Variants in ADAMTSL1 observed in about 807,000 individuals in gnomAD.
ADAMTSL1 encodes the protein ADAMTS-like protein 1.
Under a neutral mutation model 201.8 loss-of-function variants are expected in ADAMTSL1, and 126 were observed. The ratio of observed to expected loss-of-function variants is 0.62; its 90% CI spans 0.54 to 0.72. The LOEUF (loss-of-function observed/expected upper bound fraction) is 0.72. Ranked by LOEUF, ADAMTSL1 falls within the 30% of genes least tolerant of loss-of-function variation. The pLI is 0.00. For missense variants in ADAMTSL1, 2,679 were observed against 2,277.8 expected (o/e 1.18, Z -3.59); for synonymous variants, 1,121 against 903.4 (o/e 1.24, Z -4.32).
chr9:18,226,026 A>G (rs183628624), intron 2 of ADAMTSL1, among the ~76,000 whole-genome samples: 1 of 152,086 alleles, frequency 6.6e-6, no homozygotes, highest in Non-Finnish European at 1.5e-5. Flanking sequence ...TTTAATAGGA[A>G]TTTAGGTTAG....
chr9:18,651,297 G>C (rs1828236396), intron 7 of ADAMTSL1: 1 of 152,186 alleles, frequency 6.6e-6, no homozygotes, highest in East Asian at 1.9e-4. Flanking sequence ...CCCAAGGAAA[G>C]AGAATGACTT....
chr9:18,711,287 G>A (rs577535491), intron 14 of ADAMTSL1, among the ~76,000 whole-genome samples: 41 of 152,328 alleles, frequency 2.7e-4, no homozygotes, highest in South Asian at 4.1e-4. Flanking sequence ...AGCTCCCAGC[G>A]TGAGCTACGC....
chr9:18,823,850 G>C (rs1011197462), intron 21 of ADAMTSL1, among the ~76,000 whole-genome samples: 1 of 152,134 alleles, frequency 6.6e-6, no homozygotes, highest in Non-Finnish European at 1.5e-5. Context: ...TTAGCTGGGC[G>C]TGGTGGTGCA....
intron 1 of ADAMTSL1, among the ~76,000 whole-genome samples, chr9:17,956,260 T>A (rs938160207): frequency 2.6e-5 from 4 of 152,162 alleles, no homozygotes; most frequent in Non-Finnish European, 2.9e-5. Flanking sequence ...GAGATGATCT[T>A]AGTCTCGTGA....
intron 2 of ADAMTSL1, among the ~76,000 whole-genome samples, chr9:18,265,360 C>T (rs918613553): frequency 3.3e-5 from 5 of 152,162 alleles, no homozygotes; most frequent in African/African-American, 1.2e-4. Flanking sequence ...CACCCATAGC[C>T]AGTGCTTCCT....
intron 2 of ADAMTSL1, among the ~76,000 whole-genome samples, chr9:18,252,711 C>T (rs1831511819): frequency 6.6e-6 from 1 of 152,032 alleles, no homozygotes; most frequent in African/African-American, 2.4e-5. Flanking sequence ...TTTTAAAGCC[C>T]ATCATACTAG....
At chr9:18,529,438 C>T (rs910358890) in intron 2 of ADAMTSL1, among the ~76,000 whole-genome samples, 4 of 152,114 alleles carry the variant, frequency 2.6e-5, no homozygotes, top group Admixed American at 6.5e-5. Flanking sequence ...GAGTTAGTCA[C>T]GCCTAGATTC....
At chr9:18,368,750 A>C (rs1427915030) in intron 2 of ADAMTSL1, among the ~76,000 whole-genome samples, 5 of 152,190 alleles carry the variant, frequency 3.3e-5, no homozygotes, top group Non-Finnish European at 7.3e-5. Flanking sequence ...AATATGTTTG[A>C]TCAGTTTATA....
chr9:17,925,995 G>C (rs1826511475), intron 1 of ADAMTSL1, among the ~76,000 whole-genome samples: 2 of 152,120 alleles, frequency 1.3e-5, no homozygotes, highest in African/African-American at 2.4e-5. Flanking sequence ...GGAAGGAAAT[G>C]TTTCATGTGC....
chr9:18,349,295 A>G (rs1426488824), intron 2 of ADAMTSL1, among the ~76,000 whole-genome samples: 1 of 152,218 alleles, frequency 6.6e-6, no homozygotes, highest in Non-Finnish European at 1.5e-5. Flanking sequence ...GTAAATTCAG[A>G]TAGCCACATG....
intron 3 of ADAMTSL1, among the ~76,000 whole-genome samples, chr9:18,551,646 C>G (rs1398220073): frequency 6.6e-6 from 1 of 151,322 alleles, no homozygotes; most frequent in Non-Finnish European, 1.5e-5. Flanking sequence ...GTCTGACCTC[C>G]TAACTGTGTA....
At chr9:18,307,731 C>A (rs1035183929) in intron 2 of ADAMTSL1, among the ~76,000 whole-genome samples, 1 of 152,046 alleles carries the variant, frequency 6.6e-6, no homozygotes, top group Non-Finnish European at 1.5e-5. Context: ...CTTAGACTCC[C>A]ACATAATAAT....
intron 4 of ADAMTSL1, among the ~76,000 whole-genome samples, chr9:18,590,761 G>T (rs943689565): frequency 6.6e-6 from 1 of 151,822 alleles, no homozygotes; most frequent in Non-Finnish European, 1.5e-5. Context: ...CCTTCTTTAT[G>T]TATTGACTCA....
intron 7 of ADAMTSL1, among the ~76,000 whole-genome samples, chr9:18,641,956 C>T (rs573816091): frequency 6.6e-6 from 1 of 151,996 alleles, no homozygotes; most frequent in South Asian, 2.1e-4. Context: ...TGGCCATGTA[C>T]CTAAGTCTCA....
At chr9:18,626,808 T>C (rs1365996383) in intron 5 of ADAMTSL1, among the ~76,000 whole-genome samples, 1 of 117,798 alleles carries the variant, frequency 8.5e-6, no homozygotes, top group Admixed American at 1.0e-4. Context: ...GTATTTATTT[T>C]CTTTCTTTCT....
chr9:18,700,332 A>T (rs1831848764), intron 13 of ADAMTSL1, among the ~76,000 whole-genome samples: 1 of 152,118 alleles, frequency 6.6e-6, no homozygotes, highest in South Asian at 2.1e-4. Flanking sequence ...CATCATTGAG[A>T]GGCATTAAAT....
rs1823126817 is a variant in ADAMTSL1 at position 18,074,566 on chromosome 9, T to TA, written c.88-89296_88-89295insA. Among the ~76,000 whole-genome samples, 5 of 150,448 alleles carry TA rather than the reference T, an allele frequency of 3.3e-5. No individual in the cohort carries two copies. The South Asian group carries it at 1.0e-3, about 32-fold the overall frequency. On this transcript the variant is annotated intron_variant, in intron 1 of 29. Coordinates refer to the ADAMTSL1 transcript ENST00000680146. ...CTTCTTTTCTCTTCTCTTTTCTTTT[T>TA]TTTTTCTTCTTTCTTTTTTTGTTGT...
intron 4 of ADAMTSL1, among the ~76,000 whole-genome samples, chr9:18,598,008 A>G (rs377636803): frequency 6.6e-6 from 1 of 152,196 alleles, no homozygotes; most frequent in Admixed American, 6.5e-5. Flanking sequence ...GAAGGAACAA[A>G]GTGTTTTTGA....
chr9:18,120,617 C>G (rs529051608), intron 1 of ADAMTSL1, among the ~76,000 whole-genome samples: 6 of 151,974 alleles, frequency 3.9e-5, no homozygotes, highest in African/African-American at 1.4e-4. Context: ...AACATTGTGT[C>G]CATATATGCA....
Sources: allele counts gnomAD v4.1 joint callset (sites outside exome capture counted in the v4.1 genomes callset), GRCh38; gene constraint gnomAD v4.1.1; transcripts MANE v1.5; gene names NCBI Gene and HGNC (gene_info 2026-07-23, HGNC 2026-07-21).